TMEM255B: variants seen among roughly 807,000 people sequenced by gnomAD.
TMEM255B encodes the protein family with sequence similarity 70, member B.
TMEM255B carries 35 observed loss-of-function variants against 34.5 expected under a neutral mutation model. The ratio of observed to expected loss-of-function variants is 1.01; its 90% CI spans 0.77 to 1.34. The LOEUF (loss-of-function observed/expected upper bound fraction) is 1.34. TMEM255B is among the 40% of genes most tolerant of loss of function. The probability of loss-of-function intolerance (pLI) is 0.00; values close to 1 mark genes in which losing one functional copy is unlikely to be tolerated. For missense variants in TMEM255B, 432 were observed against 433.2 expected, an observed-to-expected ratio of 1.00 and a Z score of 0.02; for synonymous variants, 206 against 201.2, an observed-to-expected ratio of 1.02 and a Z score of -0.20.
chr13:113,810,651 C>G (rs2051280752), intron 8 of TMEM255B, among the ~76,000 whole-genome samples: 1 of 152,154 alleles, frequency 6.6e-6, no homozygotes, highest in African/African-American at 2.4e-5. Flanking sequence ...AGTGCCTAGG[C>G]CACTGGGGCA....
intron 3 of TMEM255B, among the ~76,000 whole-genome samples, chr13:113,781,151 G>C (rs980238804): frequency 6.6e-6 from 1 of 152,136 alleles, no homozygotes; most frequent in African/African-American, 2.4e-5. Flanking sequence ...TTGATCATAA[G>C]GTAAGATTTT....
chr13:113,764,149 C>T (rs150013558), intron 1 of TMEM255B, among the ~76,000 whole-genome samples: 142 of 152,200 alleles, frequency 9.3e-4, no homozygotes, highest in Admixed American at 6.3e-3. Flanking sequence ...GCGTGGGACA[C>T]GGGGACACGG....
chr13:113,813,929 G>A lies in TMEM255B; in HGVS notation c.*2026G>A, dbSNP rs897110778. 9.2e-5 allele frequency: 14 copies of A among 152,226 alleles called. No homozygotes were observed. Among genetic ancestry groups the A allele is most frequent in the African/African-American group, 3.1e-4 (13 of 41,466 alleles). 9.4% of individuals were successfully genotyped at this position (152,226 alleles called of 1,614,324 possible). A position where few individuals can be genotyped will look rare whatever the true frequency, so the allele number is the denominator to read the frequency against. The stretch of plus-strand genomic sequence containing the variant: ...CACCGCCCAGTTCCTCCAGGGCTGT[G>A]GGTGCCTGGCTCCGAGTAAGAAGCT... On this transcript the variant is annotated 3_prime_UTR_variant, in exon 9 of 9. Coordinates refer to ENST00000375353, the MANE Select transcript of TMEM255B (RefSeq NM_182614.4).
chr13:113,800,030 G>A (rs2051014158), intron 5 of TMEM255B: 2 of 1,221,962 alleles, frequency 1.6e-6, no homozygotes, highest in Non-Finnish European at 2.1e-6. Context: ...CTGCCAGCTT[G>A]TCTGGGACTC....
chr13:113,770,286 TACTC>T lies in TMEM255B; in HGVS notation c.252+1130_252+1133del, dbSNP rs570467805. 3.9e-4 allele frequency among the ~76,000 whole-genome samples: 60 copies of T among 152,246 alleles called. No homozygotes were observed. Among genetic ancestry groups the T allele is most frequent in the Admixed American group, 2.9e-3 (45 of 15,286 alleles). ...AATAACCATCAGATCTTGTGAGACT[TACTC>T]ACTATCATGAGAACAGCACAGGAAA... On this transcript the variant is annotated intron_variant, in intron 3 of 8. Coordinates refer to ENST00000375353, the MANE Select transcript of TMEM255B (RefSeq NM_182614.4). This position sits in a 1 kb window ranked among gnomAD's most constrained non-coding sequence, Gnocchi z 4.6.
rs1042506948 is a variant in TMEM255B at position 113,765,984 on chromosome 13, TG to T, written c.47-128del. 10 of 1,189,480 alleles carry T rather than the reference TG, an allele frequency of 8.4e-6. No individual in the cohort carries two copies. In the Admixed American group the frequency reaches 2.0e-4, roughly 24 times the overall value. 73.7% of individuals were successfully genotyped at this position (1,189,480 alleles called of 1,614,324 possible). On this transcript the variant is annotated intron_variant, in intron 1 of 8. Transcript: ENST00000375353. ...GGAGGTTGGGGGTGGTCCCCTGAGG[TG>T]GGCCTGGAGGCAGGCGGGGATAGTG...
chr13:113,794,733 G>C (rs531705548), intron 3 of TMEM255B, among the ~76,000 whole-genome samples: 2 of 152,222 alleles, frequency 1.3e-5, no homozygotes, highest in East Asian at 1.9e-4. Context: ...CAAGCTCCAA[G>C]ACCATTAGGT....
chr13:113,772,134 G>A (rs79800101), intron 3 of TMEM255B, among the ~76,000 whole-genome samples: 3,506 of 152,236 alleles, frequency 0.023, 133 homozygotes, highest in African/African-American at 0.079. Context: ...TTGGCCGTTT[G>A]CATATGTTCT....
At chr13:113,798,872 G>A (rs1052761759) in intron 4 of TMEM255B, among the ~76,000 whole-genome samples, 9 of 152,134 alleles carry the variant, frequency 5.9e-5, no homozygotes, top group African/African-American at 2.2e-4. Flanking sequence ...TTGATTGGAT[G>A]ATTGGATGGA....
intron 8 of TMEM255B, among the ~76,000 whole-genome samples, chr13:113,811,336 T>G: frequency 1.2e-5 from 1 of 85,558 alleles, no homozygotes. Context: ...AGAGTGGTCC[T>G]GGGTCTGTGG....
intron 3 of TMEM255B, among the ~76,000 whole-genome samples, chr13:113,773,741 T>C (rs1253501134): frequency 6.6e-6 from 1 of 152,246 alleles, no homozygotes; most frequent in Admixed American, 6.5e-5. Flanking sequence ...TGCGTGATCG[T>C]AGGAAACTTA....
At chr13:113,773,651 G>T (rs76810899) in intron 3 of TMEM255B, among the ~76,000 whole-genome samples, 1 of 152,360 alleles carries the variant, frequency 6.6e-6, no homozygotes, top group South Asian at 2.1e-4. Flanking sequence ...CTGGGCTGAT[G>T]TTGTATGGTG....
chr13:113,811,034 C>T (rs1465029965), intron 8 of TMEM255B, among the ~76,000 whole-genome samples: 1 of 152,094 alleles, frequency 6.6e-6, no homozygotes, highest in African/African-American at 2.4e-5. Flanking sequence ...GGGGCGTCCA[C>T]CCCCTGCCCC....
At position 113,814,524 on chromosome 13, in the gene TMEM255B, A is replaced by G. The variant is rs939042289; in HGVS notation, c.*2621A>G. ...AGCCACAAAGAATGTGAACAATTTG[A>G]CTCAAGGTTCGTGGTGGCTGGAGGG... On this transcript the variant is annotated 3_prime_UTR_variant, in exon 9 of 9. Transcript: ENST00000375353. 6.6e-6 allele frequency: 1 copy of G among 152,110 alleles called. No homozygotes were observed. The highest frequency in any genetic ancestry group is 1.5e-5 in the Non-Finnish European group (1 of 68,022). The allele number at this position is 152,110 out of a possible 1,614,324, so 9.4% of individuals were successfully genotyped here. A position where few individuals can be genotyped will look rare whatever the true frequency, so the allele number is the denominator to read the frequency against.
At chr13:113,786,898 C>T (rs3936212) in intron 3 of TMEM255B, among the ~76,000 whole-genome samples, 62,775 of 152,036 alleles carry the variant, frequency 0.41, 14,279 homozygotes, top group East Asian at 0.72. Flanking sequence ...AAGGAGGCCA[C>T]GTCTTGGTTT....
chr13:113,781,909 T>G (rs2050671069), intron 3 of TMEM255B, among the ~76,000 whole-genome samples: 1 of 152,208 alleles, frequency 6.6e-6, no homozygotes, highest in Non-Finnish European at 1.5e-5. Context: ...ACAAGATCCT[T>G]TCTTATATAA....
intron 3 of TMEM255B, among the ~76,000 whole-genome samples, chr13:113,783,876 A>G (rs117544793): frequency 1.6e-4 from 24 of 152,210 alleles, no homozygotes; most frequent in Non-Finnish European, 1.9e-4. Context: ...GGAGGAAGGG[A>G]AGACCTGGGG....
At chr13:113,803,652 T>TGGCAG (rs2051106825) in intron 7 of TMEM255B, among the ~76,000 whole-genome samples, 1 of 117,576 alleles carries the variant, frequency 8.5e-6, no homozygotes, top group African/African-American at 2.9e-5. Flanking sequence ...TGCCCCTCCC[T>TGGCAG]CACGGAGCAC....
chr13:113,796,144 GCACA>G (rs1161850608), intron 4 of TMEM255B, among the ~76,000 whole-genome samples: 1 of 115,170 alleles, frequency 8.7e-6, no homozygotes, highest in Non-Finnish European at 1.8e-5. Context: ...AGAGCACACA[GCACA>G]CACACAACAG....
Sources: allele counts gnomAD v4.1 joint callset (sites outside exome capture counted in the v4.1 genomes callset), GRCh38; gene constraint gnomAD v4.1.1; non-coding constraint Gnocchi (gnomAD v3.1); transcripts MANE v1.5; gene names NCBI Gene and HGNC (gene_info 2026-07-23, HGNC 2026-07-21).